MAN1C1: variants seen among roughly 807,000 people sequenced by gnomAD.
MAN1C1 encodes the protein mannosidase alpha class 1C member 1.
Under a neutral mutation model 71.5 loss-of-function variants are expected in MAN1C1, and 49 were observed. The observed-to-expected ratio is 0.69, with a 90% CI of 0.54 to 0.87. The LOEUF (loss-of-function observed/expected upper bound fraction) is 0.87, where lower values mean the gene tolerates loss of function less well. Ranked by LOEUF, MAN1C1 falls within the 40% of genes least tolerant of loss-of-function variation. The probability of loss-of-function intolerance (pLI) is 0.00; values close to 1 mark genes in which losing one functional copy is unlikely to be tolerated. For synonymous variants in MAN1C1, 352 were observed against 343.7 expected (o/e 1.02, Z -0.27); for missense variants, 743 against 835.0 (o/e 0.89, Z 1.36).
chr1:25,749,538 A>G (rs1056457756), intron 4 of MAN1C1, among the ~76,000 whole-genome samples: 3 of 152,114 alleles, frequency 2.0e-5, no homozygotes, highest in Non-Finnish European at 2.9e-5. Context: ...ATTGCTCATC[A>G]TGGGCATGTT....
intron 2 of MAN1C1, among the ~76,000 whole-genome samples, chr1:25,702,337 G>T (rs1484683458): frequency 6.6e-6 from 1 of 152,150 alleles, no homozygotes; most frequent in African/African-American, 2.4e-5. Context: ...CATGAAACTC[G>T]CCCAGATCCA....
At chr1:25,669,345 C>A (rs1315768490) in intron 1 of MAN1C1, among the ~76,000 whole-genome samples, 1 of 152,174 alleles carries the variant, frequency 6.6e-6, no homozygotes, top group East Asian at 1.9e-4. Context: ...CTGAACCGCT[C>A]TGAACCTCAG....
At chr1:25,668,088 A>T (rs2045947663) in intron 1 of MAN1C1, among the ~76,000 whole-genome samples, 1 of 152,230 alleles carries the variant, frequency 6.6e-6, no homozygotes, top group South Asian at 2.1e-4. Context: ...CCAAGAAAAG[A>T]AAATATGTAC....
chr1:25,716,423 C>T (rs1185553852), intron 2 of MAN1C1, among the ~76,000 whole-genome samples: 1 of 152,200 alleles, frequency 6.6e-6, no homozygotes, highest in East Asian at 1.9e-4. Context: ...ACCTCCACCT[C>T]CCAGGCTTAA....
intron 2 of MAN1C1, among the ~76,000 whole-genome samples, chr1:25,728,127 C>T (rs1434608056): frequency 6.6e-6 from 1 of 152,210 alleles, no homozygotes; most frequent in Admixed American, 6.5e-5. Context: ...TGAGGAGCAT[C>T]TCTCAAAGGG....
intron 6 of MAN1C1, 81 bp from the exon 7 acceptor site, chr1:25,763,793 C>G (rs1295593824): frequency 8.9e-7 from 1 of 1,120,014 alleles, no homozygotes; most frequent in East Asian, 2.3e-5. Context: ...TCTGAACCAG[C>G]TGCCTCCCAT....
chr1:25,617,814 T>A lies in MAN1C1; in HGVS notation c.17T>A (p.Val6Glu). 6.2e-7 allele frequency: 1 copy of A among 1,601,682 alleles called. No homozygotes were observed. The highest frequency in any genetic ancestry group is 8.5e-7 in the Non-Finnish European group (1 of 1,175,642). MLMRK[V>E]PGFVPASPWG... ...CGGGCCACGATGCTCATGAGGAAAGTGCCCGGCTTCGTCCCGGCCTCCCCG... is the reference window on the plus strand; with the variant it reads ...CGGGCCACGATGCTCATGAGGAAAGAGCCCGGCTTCGTCCCGGCCTCCCCG... Residue 6 changes from valine to glutamate, a missense_variant, in exon 1 of 12, where the codon GTG (valine) becomes GAG (glutamate). By Grantham distance (121) the Val-to-Glu change is moderately radical. Coordinates refer to ENST00000374332, the MANE Select transcript of MAN1C1 (RefSeq NM_020379.4). This position sits in a 1 kb window ranked among gnomAD's most constrained non-coding sequence, Gnocchi z 5.1.
chr1:25,664,365 A>G (rs1333682275), intron 1 of MAN1C1, among the ~76,000 whole-genome samples: 2 of 152,148 alleles, frequency 1.3e-5, no homozygotes, highest in African/African-American at 4.8e-5. Context: ...AAAACCTTAC[A>G]GTACTAGAAT....
chr1:25,724,947 T>G (rs75261413), intron 2 of MAN1C1, among the ~76,000 whole-genome samples: 1 of 152,312 alleles, frequency 6.6e-6, no homozygotes, highest in African/African-American at 2.4e-5. Flanking sequence ...GAAATTTGCT[T>G]AATTATTTGA....
chr1:25,624,060 C>G (rs2045257051), intron 1 of MAN1C1, among the ~76,000 whole-genome samples: 1 of 152,196 alleles, frequency 6.6e-6, no homozygotes, highest in East Asian at 1.9e-4. Flanking sequence ...CTGGGCCAAG[C>G]AAGGCCTTTA....
intron 1 of MAN1C1, among the ~76,000 whole-genome samples, chr1:25,647,236 G>T (rs2045627966): frequency 6.6e-6 from 1 of 152,180 alleles, no homozygotes; most frequent in Non-Finnish European, 1.5e-5. Flanking sequence ...GGTCCTCAGG[G>T]GTGGCTGAGC....
chr1:25,720,425 G>A (rs1038589458), intron 2 of MAN1C1, among the ~76,000 whole-genome samples: 3 of 152,088 alleles, frequency 2.0e-5, no homozygotes, highest in African/African-American at 7.2e-5. Context: ...TGGCCAGGCT[G>A]GTCTTGAACT....
At chr1:25,765,185 C>T (rs976648897) in intron 7 of MAN1C1, among the ~76,000 whole-genome samples, 1 of 152,228 alleles carries the variant, frequency 6.6e-6, no homozygotes, top group Non-Finnish European at 1.5e-5. Flanking sequence ...GAACATCATT[C>T]ACAAGCCCCC....
chr1:25,777,999 G>T (rs1384363836), intron 8 of MAN1C1, 106 bp from the exon 9 acceptor site: 6 of 842,806 alleles, frequency 7.1e-6, no homozygotes, highest in Non-Finnish European at 1.1e-5. Context: ...GCTTGGCAGA[G>T]CTGCCCTTGC....
Position 25,753,543 on chromosome 1 carries a change from C to T in MAN1C1, c.894C>T (p.Pro298=). Residue 298 remains proline (P), a synonymous_variant, in exon 5 of 12, where the codon CCC becomes CCT. Coordinates refer to ENST00000374332, the MANE Select transcript of MAN1C1 (RefSeq NM_020379.4). The surrounding 1 kb of genome is among the most constrained non-coding windows in gnomAD (Gnocchi z 4.9). ...AGCTCCTGCCGGCGTTCAACACCCC[C>T]ACGGGAATCCCAAAGGGCGTGGTGA... ...GEKLLPAFNT[P]TGIPKGVVSF... The T allele has an allele frequency of 6.2e-7, 1 of 1,613,826 alleles. No homozygotes were observed. Among genetic ancestry groups the T allele is most frequent in the Non-Finnish European group, 8.5e-7 (1 of 1,179,884 alleles).
intron 5 of MAN1C1, among the ~76,000 whole-genome samples, chr1:25,756,743 C>T (rs945074347): frequency 3.3e-5 from 5 of 152,138 alleles, no homozygotes; most frequent in African/African-American, 4.8e-5. Context: ...CCTCTGACCT[C>T]GAACACTTCA....
intron 5 of MAN1C1, among the ~76,000 whole-genome samples, chr1:25,756,373 C>A (rs1162689483): frequency 1.3e-5 from 2 of 152,194 alleles, no homozygotes; most frequent in Non-Finnish European, 2.9e-5. Context: ...GGCCAGCTCA[C>A]TTGTCTGCCA....
At chr1:25,677,846 CTTTTTTTTTTT>C (rs772618301) in intron 1 of MAN1C1, among the ~76,000 whole-genome samples, 1 of 98,308 alleles carries the variant, frequency 1.0e-5, no homozygotes, top group African/African-American at 5.3e-5. Context: ...TAAAGACCTC[CTTTTTTTTTTT>C]TTTTTTTTTT....
At chr1:25,749,356 C>T (rs763732955) in intron 4 of MAN1C1, 21 bp downstream of exon 4, 3 of 1,581,696 alleles carry the variant, frequency 1.9e-6, no homozygotes, top group East Asian at 2.2e-5. Flanking sequence ...CTTTCATGAC[C>T]CCTGAACTGT....
Sources: gnomAD v4.1 joint callset for allele counts (sites outside exome capture counted in the v4.1 genomes callset) on GRCh38, gnomAD v4.1.1 for gene constraint, Gnocchi (gnomAD v3.1) non-coding constraint, MANE v1.5 for transcripts, NCBI Gene and HGNC (gene_info 2026-07-23, HGNC 2026-07-21) for gene names.